The following ABCA12 variants were observed in gnomAD, a reference collection of about 807,000 sequenced individuals.
ABCA12 encodes the protein glucosylceramide transporter ABCA12.
In ABCA12, 156 loss-of-function variants were observed where a neutral mutation model predicts 293.5. The observed-to-expected ratio is 0.53, with a 90% CI of 0.47 to 0.61. The LOEUF (loss-of-function observed/expected upper bound fraction) is 0.61. Ranked by LOEUF, ABCA12 falls within the 20% of genes least tolerant of loss-of-function variation. ABCA12 has a pLI of 0.00. For synonymous variants in ABCA12, 1,063 were observed against 1,108.0 expected (o/e 0.96, Z 0.81); for missense variants, 2,797 against 3,090.2 (o/e 0.91, Z 2.25).
At chr2:215,092,728 C>G (rs1408441816) in intron 2 of ABCA12, among the ~76,000 whole-genome samples, 1 of 152,160 alleles carries the variant, frequency 6.6e-6, no homozygotes, top group African/African-American at 2.4e-5. Context: ...AGGATCTTCA[C>G]CTTATCAACC....
intron 15 of ABCA12, among the ~76,000 whole-genome samples, chr2:215,012,865 T>C (rs1700407135): frequency 6.6e-6 from 1 of 152,198 alleles, no homozygotes; most frequent in Admixed American, 6.5e-5. Flanking sequence ...TACATATTTC[T>C]TCATGTATAC....
chr2:214,963,208 C>CA lies in ABCA12; in HGVS notation c.5884+3639dup, dbSNP rs1422198942. The CA allele has an allele frequency of 2.6e-5, 4 of 151,974 alleles. No homozygotes were observed. The East Asian group carries it at 5.8e-4, about 22-fold the overall frequency. The allele number at this position is 151,974 out of a possible 1,614,324, so 9.4% of individuals were successfully genotyped here. On this transcript the variant is annotated intron_variant, in intron 39 of 52. Transcript: ENST00000272895. ...AGAAAAGAGAGAAGAGTCAAATAAA[C>CA]ACAATGAAAAATGATAAGGGGGATA...
intron 1 of ABCA12, among the ~76,000 whole-genome samples, chr2:215,119,387 T>G (rs1181760390): frequency 6.6e-6 from 1 of 152,204 alleles, no homozygotes; most frequent in Non-Finnish European, 1.5e-5. Flanking sequence ...CCAAGGCCAA[T>G]GTTGAGAAGG....
At chr2:214,965,157 G>A (rs546816356) in intron 39 of ABCA12, among the ~76,000 whole-genome samples, 5 of 152,210 alleles carry the variant, frequency 3.3e-5, no homozygotes, top group Admixed American at 1.3e-4. Flanking sequence ...AATGATGCTG[G>A]GAGAACCGGC....
chr2:215,001,844 C>T lies in ABCA12; in HGVS notation c.2684-107G>A, dbSNP rs1049165944. On this transcript the variant is annotated intron_variant, in intron 20 of 52. Coordinates refer to ENST00000272895, the MANE Select transcript of ABCA12 (RefSeq NM_173076.3). ...AAATACTAAACTAGATTATAAATAA[C>T]AAAAGCCTGCAGAATTTACTCTAAA... 6 of 987,890 alleles carry T rather than the reference C, an allele frequency of 6.1e-6. No homozygotes were observed. The African/African-American group carries it at 9.9e-5, about 16-fold the overall frequency. The allele number at this position is 987,890 out of a possible 1,614,324, so 61.2% of individuals were successfully genotyped here. A position where few individuals can be genotyped will look rare whatever the true frequency, so the allele number is the denominator to read the frequency against.
intron 26 of ABCA12, 99 bp downstream of exon 26, chr2:214,989,230 T>A (rs1407146524): frequency 9.0e-6 from 4 of 444,290 alleles, no homozygotes; most frequent in Non-Finnish European, 1.2e-5. Context: ...TTTTTTAATT[T>A]AAAAATTTTT....
At chr2:215,041,517 A>G (rs1701100543) in intron 7 of ABCA12, among the ~76,000 whole-genome samples, 1 of 147,982 alleles carries the variant, frequency 6.8e-6, no homozygotes, top group Non-Finnish European at 1.5e-5. Flanking sequence ...GTGCCACTGC[A>G]CTCCAGCCTG....
chr2:215,099,337 C>G (rs998462295), intron 2 of ABCA12, among the ~76,000 whole-genome samples: 2 of 152,180 alleles, frequency 1.3e-5, no homozygotes, highest in South Asian at 4.1e-4. Context: ...CGTCCTAGCC[C>G]AAATCCTGAC....
intron 39 of ABCA12, among the ~76,000 whole-genome samples, chr2:214,964,788 AATGGCCATACTGCCC>A (rs1455255057): frequency 6.6e-6 from 1 of 152,210 alleles, no homozygotes; most frequent in African/African-American, 2.4e-5. Flanking sequence ...ATATCGCGAA[AATGGCCATACTGCCC>A]AAAGTAATTT....
chr2:214,951,617 C>G (rs904043070), intron 44 of ABCA12, among the ~76,000 whole-genome samples: 1 of 152,242 alleles, frequency 6.6e-6, no homozygotes, highest in South Asian at 2.1e-4. Context: ...ATTATCCAGG[C>G]ATGGTGGTGC....
rs778035381 is a variant in ABCA12, at chr2:215,019,637, T to G, written c.1447A>C (p.Ile483Leu). 6 of 1,614,206 alleles carry G rather than the reference T, an allele frequency of 3.7e-6. No homozygotes were observed. Among genetic ancestry groups the G allele is most frequent in the Admixed American group, 3.3e-5 (2 of 60,026 alleles). ...LLEAAELGTE[I>L]AASLLYHDNV... Reference sequence around the variant, plus strand: ...TCATGGTACAGTAAGCTGGCTGCTATTTCGGTGCCCAGCTCTGCCGCTTCG... The same window carrying G: ...TCATGGTACAGTAAGCTGGCTGCTAGTTCGGTGCCCAGCTCTGCCGCTTCG... Residue 483 changes from isoleucine (I) to leucine (L), a missense_variant, in exon 12 of 53, where the codon ATA (isoleucine) becomes CTA (leucine). By Grantham distance (5) the Ile-to-Leu change is conservative. Coordinates refer to ENST00000272895, the MANE Select transcript of ABCA12 (RefSeq NM_173076.3).
intron 7 of ABCA12, among the ~76,000 whole-genome samples, chr2:215,044,920 A>G (rs1701170779): frequency 6.6e-6 from 1 of 152,212 alleles, no homozygotes; most frequent in East Asian, 1.9e-4. Flanking sequence ...ACATCATGCT[A>G]TTAGTGACAT....
rs1468917635 is a variant in ABCA12, at chr2:215,087,102, T to C, written c.164-22883A>G. On this transcript the variant is annotated intron_variant, in intron 2 of 52. Transcript: ENST00000272895. ...GGATTACAGGCATGCACCACCAAGG[T>C]CAGCTAATTTTGTATTTTTAGTAGA... Among the ~76,000 whole-genome samples the C allele has an allele frequency of 2.0e-5, 3 of 152,104 alleles. No homozygotes were observed. The East Asian group carries it at 5.8e-4, about 29-fold the overall frequency.
chr2:215,004,190 T>G lies in ABCA12; in HGVS notation c.2683+19A>C. ...TCCGACATGACTCATGAATAAAAGC[T>G]TTGTGAATTTGGACTCACCGAGTTC... is the stretch of plus-strand genomic sequence containing the variant. On this transcript the variant is annotated intron_variant, in intron 20 of 52. Transcript: ENST00000272895. 1 of 1,597,668 alleles carries G rather than the reference T, an allele frequency of 6.3e-7. No individual in the cohort carries two copies.
chr2:215,111,772 T>C lies in ABCA12; in HGVS notation c.70-82A>G, dbSNP rs1201595501. ...AAACCTGACTACAAAAAGTATGTCA[T>C]ACTATAATATTTCAACACAAGCTGA... On this transcript the variant is annotated intron_variant, in intron 1 of 52. Transcript: ENST00000272895. 4 of 959,240 alleles carry C rather than the reference T, an allele frequency of 4.2e-6. No individual in the cohort carries two copies. In the Admixed American group the frequency reaches 7.7e-5, roughly 18 times the overall value. The allele number at this position is 959,240 out of a possible 1,614,324, so 59.4% of individuals were successfully genotyped here.
At chr2:215,081,507 A>G (rs1701939809) in intron 2 of ABCA12, among the ~76,000 whole-genome samples, 1 of 147,316 alleles carries the variant, frequency 6.8e-6, no homozygotes, top group Non-Finnish European at 1.5e-5. Context: ...AAGAAAAAAG[A>G]AAAAGAAAAA....
At chr2:215,134,924 A>G (rs188883434) in intron 1 of ABCA12, among the ~76,000 whole-genome samples, 1 of 152,122 alleles carries the variant, frequency 6.6e-6, no homozygotes, top group East Asian at 1.9e-4. Context: ...TTATAGGCAT[A>G]AGCCACTGCA....
intron 1 of ABCA12, among the ~76,000 whole-genome samples, chr2:215,112,915 T>C (rs1360384740): frequency 1.3e-5 from 2 of 152,206 alleles, no homozygotes; most frequent in African/African-American, 4.8e-5. Context: ...ACCTATATAA[T>C]TGGCTCCAGA....
intron 6 of ABCA12, among the ~76,000 whole-genome samples, chr2:215,047,263 G>A (rs1192809252): frequency 6.6e-6 from 1 of 152,148 alleles, no homozygotes; most frequent in Non-Finnish European, 1.5e-5. Context: ...ACTAATGTAT[G>A]CAAACACTCC....
Sources: allele counts gnomAD v4.1 joint callset (sites outside exome capture counted in the v4.1 genomes callset), GRCh38; gene constraint gnomAD v4.1.1; transcripts MANE v1.5; gene names NCBI Gene and HGNC (gene_info 2026-07-23, HGNC 2026-07-21).